DISP1: variants seen among roughly 807,000 people sequenced by gnomAD.
DISP1 encodes protein dispatched homolog 1.
DISP1 carries 30 observed loss-of-function variants against 37.3 expected under a neutral mutation model. The observed-to-expected ratio is 0.80, with a 90% confidence interval of 0.60 to 1.09. The LOEUF (loss-of-function observed/expected upper bound fraction) is 1.09, where lower values mean the gene tolerates loss of function less well. Among genes scored for constraint, DISP1 ranks in the 50% least tolerant of loss-of-function variants. The pLI is 0.00. For missense variants in DISP1, 1,598 were observed against 1,879.5 expected (o/e 0.85, Z 2.77); for synonymous variants, 634 against 690.2 (o/e 0.92, Z 1.28).
chr1:222,844,551 T>C (rs1312833813), intron 1 of DISP1, among the ~76,000 whole-genome samples: 2 of 152,142 alleles, frequency 1.3e-5, no homozygotes, highest in Non-Finnish European at 2.9e-5. Flanking sequence ...TGGTGTTCAT[T>C]AGTGTTGTAA....
chr1:222,886,825 C>T (rs1354075429), intron 1 of DISP1, among the ~76,000 whole-genome samples: 1 of 152,164 alleles, frequency 6.6e-6, no homozygotes, highest in Non-Finnish European at 1.5e-5. Flanking sequence ...TGATTTGAAA[C>T]ATCATATTTA....
chr1:222,909,790 C>G (rs1672111569), intron 1 of DISP1, among the ~76,000 whole-genome samples: 2 of 152,188 alleles, frequency 1.3e-5, no homozygotes, highest in Non-Finnish European at 2.9e-5. Context: ...TGGCCAGAAG[C>G]AGGAAGTTGC....
chr1:222,862,806 A>G (rs1221284576), intron 1 of DISP1, among the ~76,000 whole-genome samples: 1 of 152,166 alleles, frequency 6.6e-6, no homozygotes, highest in Non-Finnish European at 1.5e-5. Flanking sequence ...TGCAGGGATT[A>G]TAGTGTGAGC....
chr1:223,002,661 A>G lies in DISP1; in HGVS notation c.1264A>G (p.Asn422Asp), dbSNP rs1283522491. 6.2e-7 allele frequency: 1 copy of G among 1,614,230 alleles called. No individual in the cohort carries two copies. Residue 422 changes from asparagine (N) to aspartate (D), a missense_variant, in exon 9 of 9, where the codon AAT becomes GAT. Physicochemically the swap from Asn to Asp is conservative, Grantham distance 23. Coordinates refer to ENST00000675850, the MANE Select transcript of DISP1 (RefSeq NM_001377229.1). The part of the protein sequence containing the change: ...TNVPRKCTKY[N>D]AVYQILHYLV... ...TGTGCCACGCAAATGTACCAAGTAC[A>G]ATGCTGTGTACCAGATCCTCCATTA...
intron 1 of DISP1, among the ~76,000 whole-genome samples, chr1:222,849,651 G>T (rs1221916678): frequency 6.6e-6 from 1 of 152,152 alleles, no homozygotes; most frequent in Non-Finnish European, 1.5e-5. Context: ...GCACATACTA[G>T]TAGACTGTTA....
intron 8 of DISP1, among the ~76,000 whole-genome samples, chr1:222,996,596 G>A (rs114583267): frequency 6.6e-6 from 1 of 152,258 alleles, no homozygotes; most frequent in Non-Finnish European, 1.5e-5. Context: ...TATTTAGTGA[G>A]TATTTACCAT....
At chr1:222,958,161 G>T (rs1675763877) in intron 3 of DISP1, among the ~76,000 whole-genome samples, 1 of 151,784 alleles carries the variant, frequency 6.6e-6, no homozygotes, top group South Asian at 2.1e-4. Flanking sequence ...GGTTGAGTTG[G>T]CCCTGGGATT....
intron 1 of DISP1, among the ~76,000 whole-genome samples, chr1:222,824,261 T>C (rs936773729): frequency 1.3e-5 from 2 of 152,194 alleles, no homozygotes; most frequent in Non-Finnish European, 2.9e-5. Flanking sequence ...TACTGGCCTC[T>C]ATTTATTGAT....
chr1:222,844,449 T>C (rs1402094424), intron 1 of DISP1, among the ~76,000 whole-genome samples: 1 of 152,166 alleles, frequency 6.6e-6, no homozygotes, highest in Non-Finnish European at 1.5e-5. Flanking sequence ...TACTGACTAA[T>C]CTGCCTTCAG....
Position 223,004,790 on chromosome 1 carries a change from C to T in DISP1, c.3393C>T (p.Cys1131=), listed in dbSNP as rs1679770205. The T allele has an allele frequency of 1.2e-6, 2 of 1,612,644 alleles. No individual in the cohort carries two copies. The highest frequency in any genetic ancestry group is 1.7e-5 in the Admixed American group (1 of 60,004). ...CCACCTTCTTTTTCCAGTGCATGTGCCGGTGCCTTGGACCACAGGGTACCT... is the reference window on the plus strand; with the variant it reads ...CCACCTTCTTTTTCCAGTGCATGTGTCGGTGCCTTGGACCACAGGGTACCT... The part of the protein sequence containing the change: ...AFATFFFQCM[C]RCLGPQGTCG... Residue 1131 remains cysteine (C), a synonymous_variant, in exon 9 of 9, where the codon TGC becomes TGT. Coordinates refer to ENST00000675850, the MANE Select transcript of DISP1 (RefSeq NM_001377229.1). The surrounding 1 kb of genome is among the most constrained non-coding windows in gnomAD (Gnocchi z 4.9).
chr1:222,996,590 TAGTG>T (rs1454711174), intron 8 of DISP1, among the ~76,000 whole-genome samples: 3 of 152,206 alleles, frequency 2.0e-5, no homozygotes, highest in Admixed American at 6.5e-5. Flanking sequence ...AGCTGATATT[TAGTG>T]AGTATTTACC....
intron 1 of DISP1, among the ~76,000 whole-genome samples, chr1:222,816,316 T>G (rs1661244184): frequency 6.6e-6 from 1 of 152,146 alleles, no homozygotes; most frequent in African/African-American, 2.4e-5. Context: ...CTACATAATA[T>G]AGTGTTTCAC....
intron 1 of DISP1, among the ~76,000 whole-genome samples, chr1:222,867,263 A>G (rs906146367): frequency 5.3e-5 from 8 of 152,158 alleles, no homozygotes; most frequent in African/African-American, 1.9e-4. Context: ...AATCATTTTT[A>G]TTGTTTTCAA....
intron 1 of DISP1, among the ~76,000 whole-genome samples, chr1:222,856,264 C>G (rs551103872): frequency 1.3e-5 from 2 of 152,212 alleles, no homozygotes; most frequent in Non-Finnish European, 2.9e-5. Flanking sequence ...CCAAAAATTC[C>G]TGTAGCCCAG....
intron 3 of DISP1, among the ~76,000 whole-genome samples, chr1:222,947,809 T>G (rs1190600159): frequency 6.6e-6 from 1 of 152,148 alleles, no homozygotes; most frequent in African/African-American, 2.4e-5. Flanking sequence ...TTTAGGAAAT[T>G]TCATCGTTTG....
chr1:222,823,315 T>G (rs1351553298), intron 1 of DISP1, among the ~76,000 whole-genome samples: 1 of 152,096 alleles, frequency 6.6e-6, no homozygotes, highest in Non-Finnish European at 1.5e-5. Context: ...AAAGAAAATG[T>G]GGTGTACACA....
At chr1:222,826,825 C>A (rs1664567651) in intron 1 of DISP1, among the ~76,000 whole-genome samples, 1 of 152,174 alleles carries the variant, frequency 6.6e-6, no homozygotes, top group African/African-American at 2.4e-5. Flanking sequence ...AATGTAATTT[C>A]TTTAACCGTT....
intron 1 of DISP1, among the ~76,000 whole-genome samples, chr1:222,863,738 G>A (rs936972500): frequency 1.2e-4 from 18 of 152,106 alleles, no homozygotes; most frequent in Middle Eastern, 3.2e-3. Context: ...TTTATTCAAT[G>A]AGTTGTAATC....
rs535803561 is a variant in DISP1, at chr1:222,951,911, GC to G, written c.509+8580del. 1.3e-3 allele frequency among the ~76,000 whole-genome samples: 205 copies of G among 152,308 alleles called. 1 individual carries two copies. Among genetic ancestry groups the G allele is most frequent in the South Asian group, 2.5e-3 (12 of 4,830 alleles). On this transcript the variant is annotated intron_variant, in intron 3 of 8. Coordinates refer to ENST00000675850, the MANE Select transcript of DISP1 (RefSeq NM_001377229.1). Reference sequence around the variant, plus strand: ...TGGAGCACAGAAGTTAAATACCAGTGCTTTTACAGAGGCACAGGCAAGTTTT... The same window carrying G: ...TGGAGCACAGAAGTTAAATACCAGTGTTTTACAGAGGCACAGGCAAGTTTT...
Sources: gnomAD v4.1 joint callset for allele counts (sites outside exome capture counted in the v4.1 genomes callset) on GRCh38, gnomAD v4.1.1 for gene constraint, Gnocchi (gnomAD v3.1) non-coding constraint, MANE v1.5 for transcripts, NCBI Gene and HGNC (gene_info 2026-07-23, HGNC 2026-07-21) for gene names.